CSMD1: variants seen among roughly 807,000 people sequenced by gnomAD.
CSMD1 encodes the protein CUB and Sushi multiple domains 1, also known as CUB and sushi domain-containing protein 1.
Under a neutral mutation model 417.5 loss-of-function variants are expected in CSMD1, and 213 were observed. The observed-to-expected ratio is 0.51, with a 90% CI of 0.46 to 0.57. CSMD1 has a LOEUF of 0.57. Ranked by LOEUF, CSMD1 falls within the 20% of genes least tolerant of loss-of-function variation. The pLI is 0.00. For synonymous variants in CSMD1, 2,862 were observed against 1,736.8 expected, an observed-to-expected ratio of 1.65 and a Z score of -16.11; for missense variants, 6,923 against 4,529.7, an observed-to-expected ratio of 1.53 and a Z score of -15.17.
At chr8:3,913,510 G>C (rs1808596952) in intron 5 of CSMD1, among the ~76,000 whole-genome samples, 1 of 152,142 alleles carries the variant, frequency 6.6e-6, no homozygotes, top group South Asian at 2.1e-4. Flanking sequence ...ACAAAAATGT[G>C]TTTCAGAAAG....
chr8:4,355,722 G>C (rs1051698442), intron 3 of CSMD1, among the ~76,000 whole-genome samples: 18 of 152,286 alleles, frequency 1.2e-4, no homozygotes, highest in Non-Finnish European at 1.3e-4. Context: ...GTCCAGCAAT[G>C]CATCTTTATT....
At chr8:4,060,195 C>T (rs914862759) in intron 3 of CSMD1, among the ~76,000 whole-genome samples, 8 of 151,702 alleles carry the variant, frequency 5.3e-5, no homozygotes, top group Non-Finnish European at 1.2e-4. Context: ...ACAAAAACCA[C>T]ATGATTATTT....
intron 11 of CSMD1, among the ~76,000 whole-genome samples, chr8:3,484,242 T>A (rs757785980): frequency 1.3e-5 from 2 of 152,196 alleles, no homozygotes; most frequent in African/African-American, 2.4e-5. Flanking sequence ...TAGACACACA[T>A]CAGTGTAACA....
intron 5 of CSMD1, among the ~76,000 whole-genome samples, chr8:3,897,918 G>C (rs1370252890): frequency 1.3e-5 from 2 of 152,164 alleles, no homozygotes; most frequent in East Asian, 1.9e-4. Context: ...GGATGATACA[G>C]TGTATGTTTA....
At chr8:4,026,713 AG>A (rs1449508066) in intron 4 of CSMD1, among the ~76,000 whole-genome samples, 2 of 152,246 alleles carry the variant, frequency 1.3e-5, no homozygotes. Flanking sequence ...TGAGAGATCA[AG>A]GGACTTCTTT....
chr8:4,141,788 T>C (rs945874895), intron 3 of CSMD1, among the ~76,000 whole-genome samples: 2 of 151,188 alleles, frequency 1.3e-5, no homozygotes, highest in Non-Finnish European at 2.9e-5. Context: ...TGAAACATAT[T>C]GTGAACTCTA....
intron 2 of CSMD1, among the ~76,000 whole-genome samples, chr8:4,522,311 C>G (rs968086421): frequency 6.6e-6 from 1 of 152,124 alleles, no homozygotes; most frequent in Non-Finnish European, 1.5e-5. Flanking sequence ...GCCTCCCCAG[C>G]CATGTGGAAC....
intron 10 of CSMD1, among the ~76,000 whole-genome samples, chr8:3,523,314 C>G (rs757499927): frequency 2.6e-5 from 4 of 152,142 alleles, no homozygotes; most frequent in Admixed American, 2.6e-4. Flanking sequence ...TTTTGCTTTA[C>G]TAAATTATTT....
chr8:3,223,263 C>T (rs1798316590), intron 28 of CSMD1, among the ~76,000 whole-genome samples: 1 of 152,080 alleles, frequency 6.6e-6, no homozygotes, highest in African/African-American at 2.4e-5. Context: ...TTTACAGCAA[C>T]CACATTTGGG....
At chr8:3,882,965 AG>A (rs1159618203) in intron 5 of CSMD1, among the ~76,000 whole-genome samples, 1 of 152,148 alleles carries the variant, frequency 6.6e-6, no homozygotes, top group Non-Finnish European at 1.5e-5. Flanking sequence ...TCTCTGCGAA[AG>A]TTTGTTGACT....
At chr8:4,307,301 C>G (rs967678794) in intron 3 of CSMD1, among the ~76,000 whole-genome samples, 3 of 152,110 alleles carry the variant, frequency 2.0e-5, no homozygotes, top group African/African-American at 4.8e-5. Flanking sequence ...TATTAATCCC[C>G]TAGCACAGGC....
rs184210554 is a variant in CSMD1 at position 3,666,656 on chromosome 8, C to T, written c.1009+41758G>A. Among the ~76,000 whole-genome samples, 331 of 152,204 alleles carry T rather than the reference C, an allele frequency of 2.2e-3. 1 individual carries two copies. Among genetic ancestry groups the T allele is most frequent in the Admixed American group, 2.9e-3 (44 of 15,272 alleles). On this transcript the variant is annotated intron_variant, in intron 7 of 69. Transcript: ENST00000635120. ...GATAATTGAATCATGGGGGCAGTTT[C>T]CCCCATACTGTTCTCATGGTAGTGA...
chr8:4,835,188 T>G (rs997962738), intron 1 of CSMD1, among the ~76,000 whole-genome samples: 1 of 151,632 alleles, frequency 6.6e-6, no homozygotes, highest in Non-Finnish European at 1.5e-5. Flanking sequence ...CGAAGGACAA[T>G]CAAGAGGTAT....
intron 5 of CSMD1, among the ~76,000 whole-genome samples, chr8:3,884,185 C>T (rs750694310): frequency 2.0e-5 from 3 of 152,136 alleles, no homozygotes; most frequent in Non-Finnish European, 4.4e-5. Context: ...GCTTTAAATT[C>T]ACTTTTTAAA....
At chr8:3,528,523 A>G (rs1156576399) in intron 10 of CSMD1, among the ~76,000 whole-genome samples, 2 of 152,210 alleles carry the variant, frequency 1.3e-5, no homozygotes, top group African/African-American at 4.8e-5. Flanking sequence ...CTTCTTCCTG[A>G]TAATCACATC....
chr8:3,657,475 G>C (rs1197948927), intron 7 of CSMD1, among the ~76,000 whole-genome samples: 1 of 152,120 alleles, frequency 6.6e-6, no homozygotes, highest in East Asian at 1.9e-4. Context: ...ACTGGATAAA[G>C]AAAATGTGTC....
intron 2 of CSMD1, among the ~76,000 whole-genome samples, chr8:4,592,057 G>C (rs543556862): frequency 6.6e-6 from 1 of 152,084 alleles, no homozygotes; most frequent in African/African-American, 2.4e-5. Context: ...TGCATCTGAG[G>C]TACCGGAGGG....
intron 3 of CSMD1, among the ~76,000 whole-genome samples, chr8:4,083,804 C>T (rs977701449): frequency 2.0e-5 from 3 of 152,108 alleles, no homozygotes; most frequent in Non-Finnish European, 4.4e-5. Context: ...GTCTATAACA[C>T]CAAAAGCAAT....
At chr8:3,949,379 AACC>A (rs1186665329) in intron 5 of CSMD1, among the ~76,000 whole-genome samples, 1 of 152,170 alleles carries the variant, frequency 6.6e-6, no homozygotes, top group Non-Finnish European at 1.5e-5. Context: ...CCCTGGAAAC[AACC>A]ACTTTACTTC....
Sources: allele counts gnomAD v4.1 joint callset (sites outside exome capture counted in the v4.1 genomes callset), GRCh38; gene constraint gnomAD v4.1.1; transcripts MANE v1.5; gene names NCBI Gene and HGNC (gene_info 2026-07-23, HGNC 2026-07-21).